The following RAB28 variants were observed in gnomAD, a reference collection of about 807,000 sequenced individuals.
The protein encoded by RAB28 is RAB28, member RAS oncogene family.
Under a neutral mutation model 31.7 loss-of-function variants are expected in RAB28, and 24 were observed. That is an observed-to-expected ratio of 0.76 (90% CI 0.55 to 1.06). The LOEUF (loss-of-function observed/expected upper bound fraction) is 1.06. Among genes scored for constraint, RAB28 ranks in the 50% least tolerant of loss-of-function variants. The probability of loss-of-function intolerance (pLI) is 0.00; values close to 1 mark genes in which losing one functional copy is unlikely to be tolerated. For missense variants in RAB28, 254 were observed against 258.5 expected (o/e 0.98, Z 0.12); for synonymous variants, 100 against 90.4 (o/e 1.11, Z -0.60).
chr4:13,475,714 AC>A (rs2108973712), intron 2 of RAB28, among the ~76,000 whole-genome samples: 1 of 151,706 alleles, frequency 6.6e-6, no homozygotes, highest in African/African-American at 2.4e-5. Context: ...CACACTTTCA[AC>A]ACTTAGACTA....
At chr4:13,397,317 A>G (rs972542991) in intron 4 of RAB28, among the ~76,000 whole-genome samples, 1 of 152,134 alleles carries the variant, frequency 6.6e-6, no homozygotes, top group African/African-American at 2.4e-5. Context: ...AAAAGCAAGA[A>G]AAAGATCAAG....
intron 4 of RAB28, among the ~76,000 whole-genome samples, chr4:13,442,921 T>A (rs1304544061): frequency 6.6e-6 from 1 of 152,202 alleles, no homozygotes; most frequent in Non-Finnish European, 1.5e-5. Context: ...TGGTCTTGAT[T>A]AGGAGTCTGT....
chr4:13,420,026 A>G (rs112797722), intron 4 of RAB28, among the ~76,000 whole-genome samples: 11,756 of 152,190 alleles, frequency 0.077, 830 homozygotes, highest in African/African-American at 0.19. Flanking sequence ...TAATAAAGAA[A>G]AAAAGAGAGA....
intron 2 of RAB28, among the ~76,000 whole-genome samples, chr4:13,479,047 G>A (rs1001670804): frequency 2.6e-5 from 4 of 151,454 alleles, no homozygotes; most frequent in Non-Finnish European, 4.4e-5. Flanking sequence ...CTAAAACAGA[G>A]GCAAATCAAA....
At chr4:13,459,429 T>A (rs1462079972) in intron 4 of RAB28, among the ~76,000 whole-genome samples, 1 of 152,214 alleles carries the variant, frequency 6.6e-6, no homozygotes, top group Non-Finnish European at 1.5e-5. Flanking sequence ...GTTCACACAA[T>A]GAAACTGCCT....
intron 4 of RAB28, among the ~76,000 whole-genome samples, chr4:13,449,113 T>C (rs1714841380): frequency 2.0e-5 from 3 of 151,986 alleles, no homozygotes; most frequent in Admixed American, 2.0e-4. Context: ...AAAGTTTCTG[T>C]TTATGCTTCA....
chr4:13,484,255 C>T lies in RAB28; in HGVS notation c.-105G>A, dbSNP rs1261631408. The stretch of plus-strand genomic sequence containing the variant: ...GAAGGGAGGTAGTTGCGGCAGGACC[C>T]CCGCCCCGGTGTCTCCGCGCCGGCA... On this transcript the variant is annotated 5_prime_UTR_variant, in exon 1 of 7. Transcript: ENST00000330852. 1 of 868,378 alleles carries T rather than the reference C, an allele frequency of 1.2e-6. No homozygotes were observed. The highest frequency in any genetic ancestry group is 1.5e-5 in the South Asian group (1 of 68,756). The allele number at this position is 868,378 out of a possible 1,614,324, so 53.8% of individuals were successfully genotyped here.
At chr4:13,435,102 C>CT (rs1480860202) in intron 4 of RAB28, among the ~76,000 whole-genome samples, 2 of 145,346 alleles carry the variant, frequency 1.4e-5, no homozygotes, top group Non-Finnish European at 3.0e-5. Context: ...TACATGGAAA[C>CT]TAAACAACTT....
chr4:13,377,280 T>G (rs1728958306), intron 5 of RAB28, among the ~76,000 whole-genome samples: 2 of 152,246 alleles, frequency 1.3e-5, no homozygotes, highest in South Asian at 4.1e-4. Flanking sequence ...TTACTAGAGT[T>G]CCAATCCTGA....
chr4:13,451,858 C>A (rs1714985791), intron 4 of RAB28, among the ~76,000 whole-genome samples: 1 of 151,902 alleles, frequency 6.6e-6, no homozygotes, highest in African/African-American at 2.4e-5. Context: ...CCTTTCCCCA[C>A]TGAGTGTTCT....
At chr4:13,426,943 C>T (rs1266451221) in intron 4 of RAB28, among the ~76,000 whole-genome samples, 1 of 152,116 alleles carries the variant, frequency 6.6e-6, no homozygotes, top group Non-Finnish European at 1.5e-5. Context: ...AAGGCAACTG[C>T]CTAATAAAAG....
chr4:13,436,470 CA>C (rs958752481), intron 4 of RAB28, among the ~76,000 whole-genome samples: 2 of 152,122 alleles, frequency 1.3e-5, no homozygotes, highest in African/African-American at 4.8e-5. Context: ...AAGATGCCTC[CA>C]AAAGACTCCT....
At chr4:13,458,543 G>T (rs991120439) in intron 4 of RAB28, among the ~76,000 whole-genome samples, 6 of 152,006 alleles carry the variant, frequency 3.9e-5, no homozygotes, top group African/African-American at 1.2e-4. Context: ...GGTAAAATCT[G>T]AAATCATTTT....
chr4:13,394,121 G>T (rs1301994564), intron 4 of RAB28, among the ~76,000 whole-genome samples: 1 of 152,160 alleles, frequency 6.6e-6, no homozygotes, highest in South Asian at 2.1e-4. Flanking sequence ...GAGAGTAACA[G>T]AGTGAAAGAG....
At chr4:13,395,296 T>C (rs1333961450) in intron 4 of RAB28, among the ~76,000 whole-genome samples, 6 of 152,134 alleles carry the variant, frequency 3.9e-5, no homozygotes, top group Non-Finnish European at 8.8e-5. Context: ...CAGAACATGA[T>C]ATGCTTTGCC....
intron 4 of RAB28, among the ~76,000 whole-genome samples, chr4:13,412,664 CA>C (rs906218271): frequency 6.6e-6 from 1 of 151,696 alleles, no homozygotes; most frequent in African/African-American, 2.4e-5. Context: ...AGACTTTATA[CA>C]AAGGCACAAC....
chr4:13,427,537 T>C (rs1313100802), intron 4 of RAB28, among the ~76,000 whole-genome samples: 1 of 152,160 alleles, frequency 6.6e-6, no homozygotes, highest in African/African-American at 2.4e-5. Context: ...AATTAAAAAT[T>C]AGTGGAAACA....
chr4:13,392,020 C>G (rs1457237038), intron 4 of RAB28, among the ~76,000 whole-genome samples: 5 of 152,108 alleles, frequency 3.3e-5, no homozygotes, highest in Non-Finnish European at 7.4e-5. Context: ...CATTTACCAA[C>G]ATGGCAAATG....
At chr4:13,454,879 T>C (rs1238290491) in intron 4 of RAB28, among the ~76,000 whole-genome samples, 1 of 152,168 alleles carries the variant, frequency 6.6e-6, no homozygotes, top group Non-Finnish European at 1.5e-5. Context: ...CCTGGGTGTG[T>C]GTCTGCTGGA....
Sources: allele counts gnomAD v4.1 joint callset (sites outside exome capture counted in the v4.1 genomes callset), GRCh38; gene constraint gnomAD v4.1.1; transcripts MANE v1.5; gene names NCBI Gene and HGNC (gene_info 2026-07-23, HGNC 2026-07-21).